Variants in RP1 observed in about 807,000 individuals in gnomAD.
RP1 encodes oxygen-regulated protein 1.
A neutral mutation model predicts 14.8 loss-of-function variants in RP1; 16 were observed. The ratio of observed to expected loss-of-function variants is 1.08; its 90% CI spans 0.73 to 1.65. The LOEUF is 1.65. Ranked by LOEUF, RP1 falls within the 40% of genes most tolerant of loss-of-function variation. The pLI, the probability that RP1 is intolerant of heterozygous loss-of-function variation, is 0.00. For synonymous variants in RP1, 876 were observed against 883.6 expected (o/e 0.99, Z 0.15); for missense variants, 2,631 against 2,535.0 (o/e 1.04, Z -0.81).
intron 12 of RP1, among the ~76,000 whole-genome samples, chr8:54,689,983 C>G (rs183098617): frequency 1.3e-5 from 2 of 152,106 alleles, no homozygotes; most frequent in East Asian, 1.9e-4. Context: ...TCAAGACAAA[C>G]TTCTAAATTT....
chr8:54,847,820 T>C (rs1811964476), intron 25 of RP1, among the ~76,000 whole-genome samples: 1 of 152,314 alleles, frequency 6.6e-6, no homozygotes, highest in East Asian at 1.9e-4. Context: ...GGTCCACTTT[T>C]TGGGGACAGC....
exon 18 of RP1, chr8:54,734,659 G>A: frequency 6.5e-7 from 1 of 1,535,784 alleles, no homozygotes; most frequent in Non-Finnish European, 8.7e-7. Flanking sequence ...TGGGTGTATG[G>A]AGATAAAGGA....
At chr8:54,766,408 C>G (rs528665273) in intron 22 of RP1, among the ~76,000 whole-genome samples, 1 of 151,874 alleles carries the variant, frequency 6.6e-6, no homozygotes, top group African/African-American at 2.4e-5. Flanking sequence ...TCTTGCTATT[C>G]TGAGCATGTA....
chr8:54,570,110 C>T lies in RP1; in HGVS notation c.-13+10790C>T, dbSNP rs182024800. ...CTGCGTGTTCCTTTGAACGTCCCCA[C>T]GCTTGTACCCTGTGTGGCAGCTGCT... is the stretch of plus-strand genomic sequence containing the variant. On this transcript the variant is annotated intron_variant, in intron 1 of 22. Coordinates refer to the RP1 transcript ENST00000636932. Among the ~76,000 whole-genome samples, 96 of 152,260 alleles carry T rather than the reference C, an allele frequency of 6.3e-4. 2 individuals are homozygous for T. The highest frequency in any genetic ancestry group is 5.0e-3 in the Admixed American group (77 of 15,292).
At chr8:54,605,755 G>A (rs1324466959) in intron 1 of RP1, among the ~76,000 whole-genome samples, 3 of 152,064 alleles carry the variant, frequency 2.0e-5, no homozygotes, top group African/African-American at 4.8e-5. Context: ...TAGGATAGTT[G>A]GCTCTTCTTG....
At chr8:54,746,186 C>T (rs540361846) in intron 19 of RP1, among the ~76,000 whole-genome samples, 1 of 152,208 alleles carries the variant, frequency 6.6e-6, no homozygotes, top group Admixed American at 6.5e-5. Context: ...TGGGGGAAGC[C>T]GTTGTTTCTA....
At chr8:54,762,083 C>G (rs537465286) in intron 22 of RP1, among the ~76,000 whole-genome samples, 1 of 152,162 alleles carries the variant, frequency 6.6e-6, no homozygotes, top group Non-Finnish European at 1.5e-5. Flanking sequence ...GTGGACAGTC[C>G]TGGCGGGGGA....
intron 15 of RP1, among the ~76,000 whole-genome samples, chr8:54,717,810 C>T (rs777243733): frequency 2.4e-4 from 37 of 151,996 alleles, no homozygotes; most frequent in Non-Finnish European, 5.0e-4. Context: ...TCTCTTGGCT[C>T]ACAGATGATA....
At chr8:54,571,254 T>A (rs1226937432) in intron 1 of RP1, among the ~76,000 whole-genome samples, 2 of 152,194 alleles carry the variant, frequency 1.3e-5, no homozygotes, top group Non-Finnish European at 2.9e-5. Context: ...CCTTGGCCCA[T>A]AGACTGATTT....
Position 54,656,164 on chromosome 8 carries a change from GA to G in RP1, c.1123del (p.Ile375SerfsTer8). The G allele has an allele frequency of 6.5e-7, 1 of 1,535,712 alleles. No individual in the cohort carries two copies. Among genetic ancestry groups the G allele is most frequent in the African/African-American group, 1.4e-5 (1 of 73,120 alleles). On this transcript the variant is annotated frameshift_variant, in exon 6 of 23. Transcript: ENST00000636932. LOFTEE classifies it high-confidence loss of function. The stretch of plus-strand genomic sequence containing the variant: ...GTTGGCACGAGATCAAGAGGATGGG[GA>G]AATCTGTCGAGAATTTCCTCTTTTA...
downstream of RP1, chr8:54,770,068 T>TAC (rs1291772774): frequency 2.5e-5 from 11 of 447,060 alleles, no homozygotes; most frequent in Non-Finnish European, 3.9e-5. Context: ...TTTTCCCACT[T>TAC]ACAATGTCAT....
intron 1 of RP1, among the ~76,000 whole-genome samples, chr8:54,586,645 C>G (rs2129299095): frequency 6.6e-6 from 1 of 152,338 alleles, no homozygotes; most frequent in Admixed American, 6.5e-5. Flanking sequence ...TGGGCTCCAC[C>G]CAGTCGAGCT....
At chr8:54,685,299 T>C (rs1248229500) in intron 12 of RP1, among the ~76,000 whole-genome samples, 1 of 152,208 alleles carries the variant, frequency 6.6e-6, no homozygotes, top group East Asian at 1.9e-4. Flanking sequence ...TTTAGTGCTA[T>C]AAATTTCCCT....
rs144953094 is a variant in RP1, at chr8:54,678,463, A to G, written c.1405A>G (p.Asn469Asp). 109 of 1,533,716 alleles carry G rather than the reference A, an allele frequency of 7.1e-5. No individual in the cohort carries two copies. The East Asian group carries it at 2.3e-3, about 33-fold the overall frequency. ...TTCATTCTTTAATTTGTGTTTAGGAAATGGTTGGTTTCTTGATGATGTTGT... is the reference window on the plus strand; with the variant it reads ...TTCATTCTTTAATTTGTGTTTAGGAGATGGTTGGTTTCTTGATGATGTTGT... Residue 469 changes from asparagine (N) to aspartate (D), a missense_variant and splice_region_variant, in exon 9 of 23, where the codon AAT (asparagine) becomes GAT (aspartate). Asn to Asp is a conservative substitution (Grantham distance 23, BLOSUM62 1). Coordinates refer to the RP1 transcript ENST00000636932.
downstream of RP1, among the ~76,000 whole-genome samples, chr8:54,631,833 A>G (rs576851814): frequency 1.6e-4 from 23 of 146,984 alleles, no homozygotes; most frequent in Admixed American, 2.8e-4. Context: ...CATGTGAGGA[A>G]GAAGGGATAA....
chr8:54,709,190 A>C (rs1332680639), intron 15 of RP1, among the ~76,000 whole-genome samples: 1 of 152,200 alleles, frequency 6.6e-6, no homozygotes, highest in Non-Finnish European at 1.5e-5. Context: ...CATGAGGCAG[A>C]GGTGATTCTA....
At chr8:54,638,645 C>A (rs1432548713) in intron 3 of RP1, among the ~76,000 whole-genome samples, 1 of 152,086 alleles carries the variant, frequency 6.6e-6, no homozygotes. Context: ...TTAGGACCAT[C>A]TGTTTATTCT....
chr8:54,819,060 T>C (rs954361814), intron 24 of RP1, among the ~76,000 whole-genome samples: 3 of 150,524 alleles, frequency 2.0e-5, no homozygotes, highest in Non-Finnish European at 4.4e-5. Context: ...CCCACATATC[T>C]CTCTCTCTCT....
At chr8:54,776,463 G>A (rs1480143427) in intron 23 of RP1, among the ~76,000 whole-genome samples, 1 of 152,252 alleles carries the variant, frequency 6.6e-6, no homozygotes, top group East Asian at 1.9e-4. Context: ...GATTACAGAT[G>A]TGAGCTACTA....
Sources: allele counts gnomAD v4.1 joint callset (sites outside exome capture counted in the v4.1 genomes callset), GRCh38; gene constraint gnomAD v4.1.1; transcripts MANE v1.5; gene names NCBI Gene and HGNC (gene_info 2026-07-23, HGNC 2026-07-21).